Variants in UBE2Q2 observed in about 807,000 individuals in gnomAD.
UBE2Q2 encodes ubiquitin conjugating enzyme E2 Q2, also known as ubiquitin-conjugating enzyme E2 Q2.
UBE2Q2 carries 54 observed loss-of-function variants against 59.9 expected under a neutral mutation model. That is an observed-to-expected ratio of 0.90 (90% CI 0.72 to 1.13). The LOEUF (loss-of-function observed/expected upper bound fraction) is 1.13, where lower values mean the gene tolerates loss of function less well. Among genes scored for constraint, UBE2Q2 ranks in the 50% most tolerant of loss-of-function variants. The pLI, the probability that UBE2Q2 is intolerant of heterozygous loss-of-function variation, is 0.00. For synonymous variants in UBE2Q2, 165 were observed against 155.2 expected (o/e 1.06, Z -0.47); for missense variants, 433 against 441.9 (o/e 0.98, Z 0.18).
Position 75,848,171 on chromosome 15 carries a change from A to G in UBE2Q2, c.180+4325A>G, listed in dbSNP as rs541813519. Among the ~76,000 whole-genome samples the G allele has an allele frequency of 5.3e-5, 8 of 152,342 alleles. No individual in the cohort carries two copies. In the South Asian group the frequency reaches 1.4e-3, roughly 28 times the overall value. Reference sequence around the variant, plus strand: ...TAGAGGAAAGCTCTTTGGCAATGATATTATGTTCTACAAATATAAAAGCGA... The same window carrying G: ...TAGAGGAAAGCTCTTTGGCAATGATGTTATGTTCTACAAATATAAAAGCGA... On this transcript the variant is annotated intron_variant, in intron 1 of 12. Coordinates refer to ENST00000267938, the MANE Select transcript of UBE2Q2 (RefSeq NM_173469.4).
In UBE2Q2 at chr15:75,844,519, C is replaced by G. The variant is rs538278887; in HGVS notation, c.180+673C>G. 4.2e-5 allele frequency: 65 copies of G among 1,548,288 alleles called. No homozygotes were observed. The African/African-American group carries it at 5.3e-4, about 13-fold the overall frequency. On this transcript the variant is annotated intron_variant, in intron 1 of 12. Transcript: ENST00000267938. ...GAGTGTGTATTCGTGTGGCCCCTCC[C>G]TTGTGTGTAAGCCTCGAAAATGGAT...
At chr15:75,858,229 G>A (rs1164568248) in intron 2 of UBE2Q2, among the ~76,000 whole-genome samples, 3 of 152,096 alleles carry the variant, frequency 2.0e-5, no homozygotes, top group African/African-American at 7.2e-5. Flanking sequence ...CATCTCCAGA[G>A]TTTCAAACCC....
chr15:75,843,542 G>A lies in UBE2Q2; in HGVS notation c.-125G>A, dbSNP rs1896127101. ...TTCCAGCAGCGCTCGACGAGGCGGA[G>A]CCGCGAGAGCGCGGCCCAGGCCGGC... On this transcript the variant is annotated 5_prime_UTR_variant, in exon 1 of 13. Coordinates refer to ENST00000267938, the MANE Select transcript of UBE2Q2 (RefSeq NM_173469.4). 5 of 577,670 alleles carry A rather than the reference G, an allele frequency of 8.7e-6. No homozygotes were observed. The highest frequency in any genetic ancestry group is 1.7e-4 in the South Asian group (2 of 12,026). The allele number at this position is 577,670 out of a possible 1,614,324, so 35.8% of individuals were successfully genotyped here.
intron 8 of UBE2Q2, among the ~76,000 whole-genome samples, chr15:75,880,275 G>A (rs1898330953): frequency 6.6e-6 from 1 of 151,724 alleles, no homozygotes; most frequent in African/African-American, 2.4e-5. Context: ...ACCATGCCCG[G>A]CTAATTTTTT....
chr15:75,878,300 T>C, intron 7 of UBE2Q2: 1 of 377,964 alleles, frequency 2.6e-6, no homozygotes, highest in Non-Finnish European at 4.7e-6. Context: ...ATTTAATAAC[T>C]TCATGAGACT....
intron 5 of UBE2Q2, among the ~76,000 whole-genome samples, chr15:75,875,958 T>G (rs1280790582): frequency 6.7e-6 from 1 of 149,700 alleles, no homozygotes; most frequent in East Asian, 2.0e-4. Context: ...CTCAGCTACT[T>G]GGGAGGCTGA....
At chr15:75,877,488 A>C (rs957660239) in intron 6 of UBE2Q2, among the ~76,000 whole-genome samples, 3 of 152,248 alleles carry the variant, frequency 2.0e-5, no homozygotes, top group South Asian at 2.1e-4. Flanking sequence ...AGAAAAAAAA[A>C]AACAGATACT....
At chr15:75,877,816 G>T in intron 6 of UBE2Q2, 145 bp from the exon 7 acceptor site, 1 of 567,860 alleles carries the variant, frequency 1.8e-6, no homozygotes, top group East Asian at 3.1e-5. Context: ...CTGCAGTAGT[G>T]TAATATTTAC....
intron 4 of UBE2Q2, among the ~76,000 whole-genome samples, chr15:75,872,524 T>G (rs1204401712): frequency 6.7e-6 from 1 of 150,286 alleles, no homozygotes; most frequent in Non-Finnish European, 1.5e-5. Context: ...AATTCTTTGT[T>G]TTCTTTTCCT....
rs1376995227 is a variant in UBE2Q2 at position 75,878,725 on chromosome 15, CA to C, written c.735-372del. ...TGATTTAAGTTTTCATAGTTCTGAC[CA>C]TGGCAAACTTTTCTCCTTGAACCCT... On this transcript the variant is annotated intron_variant, in intron 7 of 12. Transcript: ENST00000267938. Among the ~76,000 whole-genome samples, 4 of 151,358 alleles carry C rather than the reference CA, an allele frequency of 2.6e-5. No homozygotes were observed. The South Asian group carries it at 8.3e-4, about 32-fold the overall frequency.
intron 10 of UBE2Q2, 25 bp downstream of exon 10, chr15:75,890,508 T>C (rs1446167444): frequency 6.2e-7 from 1 of 1,601,324 alleles, no homozygotes; most frequent in African/African-American, 1.3e-5. Flanking sequence ...GATACTCCAT[T>C]TTCACCCACA....
At chr15:75,860,289 T>C (rs1897144521) in intron 3 of UBE2Q2, among the ~76,000 whole-genome samples, 1 of 152,184 alleles carries the variant, frequency 6.6e-6, no homozygotes, top group East Asian at 1.9e-4. Flanking sequence ...TTCAATTACC[T>C]TCACCTAGCA....
rs1430631315 is a variant in UBE2Q2, at chr15:75,897,035, C to G, written c.1070C>G (p.Ser357Cys). Residue 357 changes from serine (S) to cysteine (C), a missense_variant, in exon 12 of 13, where the codon TCC becomes TGC. Ser to Cys is a moderately radical substitution (Grantham distance 112, BLOSUM62 -1). Coordinates refer to ENST00000267938, the MANE Select transcript of UBE2Q2 (RefSeq NM_173469.4). Reference protein sequence around the residue: ...NLARAQQSYNSIVQIHEKNGW... With the variant: ...NLARAQQSYNCIVQIHEKNGW... The stretch of plus-strand genomic sequence containing the variant: ...GCAAGAGCCCAACAATCCTATAATT[C>G]CATTGTACAGATACATGAGAAAAAT... 6.4e-7 allele frequency: 1 copy of G among 1,572,860 alleles called. No homozygotes were observed. The highest frequency in any genetic ancestry group is 1.4e-5 in the African/African-American group (1 of 73,454).
At chr15:75,893,078 A>AT (rs1402013624) in intron 11 of UBE2Q2, among the ~76,000 whole-genome samples, 1 of 152,202 alleles carries the variant, frequency 6.6e-6, no homozygotes, top group Non-Finnish European at 1.5e-5. Flanking sequence ...AGGAGGAGAT[A>AT]TTAGAATTAC....
intron 2 of UBE2Q2, among the ~76,000 whole-genome samples, chr15:75,858,482 C>A (rs764183151): frequency 2.6e-5 from 4 of 152,100 alleles, no homozygotes; most frequent in Admixed American, 1.3e-4. Flanking sequence ...TGACCCCCGC[C>A]CCCCGCAAAC....
At chr15:75,885,365 C>T (rs1257041597) in intron 9 of UBE2Q2, among the ~76,000 whole-genome samples, 1 of 152,198 alleles carries the variant, frequency 6.6e-6, no homozygotes, top group African/African-American at 2.4e-5. Flanking sequence ...ATCCGCCTGC[C>T]TCAGCCTCCC....
intron 7 of UBE2Q2, among the ~76,000 whole-genome samples, chr15:75,878,747 A>G (rs921566824): frequency 2.6e-5 from 4 of 151,886 alleles, no homozygotes; most frequent in African/African-American, 9.7e-5. Context: ...TTCTCCTTGA[A>G]CCCTTTGGCT....
At position 75,873,569 on chromosome 15, in the gene UBE2Q2, G is replaced by A; in HGVS notation, c.588+1G>A. ...GACTCAAAGGCAAGACCATTTAAAT[G>A]TAAGTGTGTGTAGATATCTAGAACC... On this transcript the variant is annotated splice_donor_variant, in intron 5 of 12. Coordinates refer to ENST00000267938, the MANE Select transcript of UBE2Q2 (RefSeq NM_173469.4). LOFTEE classifies it high-confidence loss of function. The A allele has an allele frequency of 6.2e-7, 1 of 1,610,852 alleles. No homozygotes were observed. The highest frequency in any genetic ancestry group is 1.3e-5 in the African/African-American group (1 of 74,734).
chr15:75,886,833 A>C (rs570831373), intron 9 of UBE2Q2, among the ~76,000 whole-genome samples: 28 of 151,668 alleles, frequency 1.8e-4, no homozygotes, highest in African/African-American at 5.8e-4. Flanking sequence ...GTTGCAGTCC[A>C]GCCTGGGCAA....
Sources: gnomAD v4.1 joint callset for allele counts (sites outside exome capture counted in the v4.1 genomes callset) on GRCh38, gnomAD v4.1.1 for gene constraint, MANE v1.5 for transcripts, NCBI Gene and HGNC (gene_info 2026-07-23, HGNC 2026-07-21) for gene names.